Variants in PAK5 observed in about 807,000 individuals in gnomAD.
PAK5 encodes serine/threonine-protein kinase PAK 5.
In PAK5, 16 loss-of-function variants were observed where a neutral mutation model predicts 65.9. The observed-to-expected ratio is 0.24, with a 90% confidence interval of 0.16 to 0.37. PAK5 has a LOEUF of 0.37. Ranked by LOEUF, PAK5 falls within the 10% of genes least tolerant of loss-of-function variation. The pLI, the probability that PAK5 is intolerant of heterozygous loss-of-function variation, is 1.00. For missense variants in PAK5, 785 were observed against 903.9 expected (o/e 0.87, Z 1.69); for synonymous variants, 371 against 354.9 (o/e 1.05, Z -0.51).
At chr20:9,605,981 C>T (rs2046447280) in intron 3 of PAK5, among the ~76,000 whole-genome samples, 1 of 152,116 alleles carries the variant, frequency 6.6e-6, no homozygotes, top group African/African-American at 2.4e-5. Context: ...AGTGTAAGCA[C>T]CAGTGTTACT....
In PAK5 at chr20:9,538,028, T is replaced by A. The variant is rs892021480; in HGVS notation, c.*1434A>T. 6.0e-5 allele frequency: 14 copies of A among 232,690 alleles called. No homozygotes were observed. The highest frequency in any genetic ancestry group is 1.2e-3 in the Middle Eastern group (1 of 802). The allele number at this position is 232,690 out of a possible 1,614,324, so 14.4% of individuals were successfully genotyped here. On this transcript the variant is annotated 3_prime_UTR_variant, in exon 10 of 10. Coordinates refer to ENST00000353224, the MANE Select transcript of PAK5 (RefSeq NM_177990.4). ...AAAAGCCTCTGTTTTCCCAGTTTGG[T>A]AACAAATGGCTTTTGTCTGATGCAT...
chr20:9,730,171 TA>T (rs2048321706), intron 1 of PAK5, among the ~76,000 whole-genome samples: 2 of 151,886 alleles, frequency 1.3e-5, no homozygotes, highest in Non-Finnish European at 2.9e-5. Flanking sequence ...TATTTAAGAT[TA>T]TTTTTATTAA....
chr20:9,802,072 G>C (rs1244139818), intron 1 of PAK5, among the ~76,000 whole-genome samples: 7 of 152,170 alleles, frequency 4.6e-5, no homozygotes, highest in Non-Finnish European at 1.0e-4. Flanking sequence ...GTCTGGGGAA[G>C]TAAAAGAGCA....
At chr20:9,693,974 G>A (rs1385939513) in intron 2 of PAK5, among the ~76,000 whole-genome samples, 1 of 151,436 alleles carries the variant, frequency 6.6e-6, no homozygotes, top group Non-Finnish European at 1.5e-5. Context: ...TATAGAACCT[G>A]CCTATCATCA....
rs1251543730 is a variant in PAK5, at chr20:9,838,592, C to T, written c.-162+170G>A. Among the ~76,000 whole-genome samples, 3 of 152,300 alleles carry T rather than the reference C, an allele frequency of 2.0e-5. No individual in the cohort carries two copies. The South Asian group carries it at 6.2e-4, about 32-fold the overall frequency. On this transcript the variant is annotated intron_variant, in intron 1 of 9. Transcript: ENST00000353224. This position sits in a 1 kb window ranked among gnomAD's most constrained non-coding sequence, Gnocchi z 4.5. The stretch of plus-strand genomic sequence containing the variant: ...TCCCTACCCTCCAGGCAGCAGGTCC[C>T]TAGCCTTTGCATCTCCTAGGAGATG...
In PAK5 at chr20:9,542,588, T is replaced by G; in HGVS notation, c.2002A>C (p.Lys668Gln). ...TAGCAACAGCTGCTGTTTCTCACCT[T>G]GTGTAGGTCCTTCACTCTTGGAGGT... Reference protein sequence around the residue: ...SLPPRVKDLHKVSSVLRGFLD... With the variant: ...SLPPRVKDLHQVSSVLRGFLD... The change falls in exon 9 of 10, where the codon AAG becomes CAG. Residue 668 changes from lysine to glutamine, a missense_variant and splice_region_variant. Around this residue, in one of 4 missense-constraint regions of PAK5, gnomAD observed 110 missense variants for 107.4 expected, o/e 1.02. Coordinates refer to ENST00000353224, the MANE Select transcript of PAK5 (RefSeq NM_177990.4). 6.2e-7 allele frequency: 1 copy of G among 1,614,164 alleles called. No homozygotes were observed. Among genetic ancestry groups the G allele is most frequent in the South Asian group, 1.1e-5 (1 of 91,080 alleles).
intron 1 of PAK5, among the ~76,000 whole-genome samples, chr20:9,715,551 T>C (rs562581558): frequency 0.023 from 3,542 of 152,188 alleles, 142 homozygotes; most frequent in African/African-American, 0.081. Context: ...ACTGGGTATA[T>C]ACCCAAAGGA....
chr20:9,578,206 T>G (rs1603226925), intron 4 of PAK5, among the ~76,000 whole-genome samples: 1 of 152,182 alleles, frequency 6.6e-6, no homozygotes, highest in African/African-American at 2.4e-5. Context: ...GTCATGTGGC[T>G]CTCTGGGCCT....
At chr20:9,775,993 TATC>T (rs1295316971) in intron 1 of PAK5, among the ~76,000 whole-genome samples, 1 of 152,230 alleles carries the variant, frequency 6.6e-6, no homozygotes, top group Admixed American at 6.5e-5. Context: ...AAAATTTTGG[TATC>T]ATGTAGTAAA....
chr20:9,760,386 A>C (rs1295339812), intron 1 of PAK5, among the ~76,000 whole-genome samples: 1 of 152,128 alleles, frequency 6.6e-6, no homozygotes, highest in African/African-American at 2.4e-5. Context: ...ACAGCCAAAA[A>C]ATGGCTCTTG....
chr20:9,630,217 TA>T (rs1765259416), intron 3 of PAK5, among the ~76,000 whole-genome samples: 1 of 152,170 alleles, frequency 6.6e-6, no homozygotes, highest in African/African-American at 2.4e-5. Context: ...GCACAGATGC[TA>T]AAATGAAGAG....
chr20:9,714,496 G>A (rs952391036), intron 1 of PAK5, among the ~76,000 whole-genome samples: 1 of 152,092 alleles, frequency 6.6e-6, no homozygotes, highest in Non-Finnish European at 1.5e-5. Flanking sequence ...TTTGAAAAAT[G>A]TTTAAGACCC....
intron 1 of PAK5, among the ~76,000 whole-genome samples, chr20:9,788,806 C>T (rs1482981103): frequency 6.6e-6 from 1 of 152,108 alleles, no homozygotes; most frequent in Non-Finnish European, 1.5e-5. Context: ...AGTTTTACCC[C>T]CACCTCCAAG....
intron 3 of PAK5, among the ~76,000 whole-genome samples, chr20:9,617,329 G>T (rs893082526): frequency 2.0e-5 from 3 of 152,044 alleles, no homozygotes; most frequent in African/African-American, 7.3e-5. Context: ...TTAGCCCAGT[G>T]GTTCTCAAAG....
chr20:9,656,446 G>C (rs970907704), intron 2 of PAK5, among the ~76,000 whole-genome samples: 34 of 152,130 alleles, frequency 2.2e-4, no homozygotes, highest in Non-Finnish European at 1.2e-4. Flanking sequence ...GAGTGGAAGA[G>C]AGAGGACCCA....
intron 1 of PAK5, among the ~76,000 whole-genome samples, chr20:9,714,704 C>A (rs1445106665): frequency 6.6e-6 from 1 of 152,040 alleles, no homozygotes. Flanking sequence ...CAGATATAGA[C>A]CAATGGAACA....
intron 1 of PAK5, among the ~76,000 whole-genome samples, chr20:9,776,460 A>G (rs1331454895): frequency 6.6e-6 from 1 of 152,208 alleles, no homozygotes; most frequent in African/African-American, 2.4e-5. Context: ...CACAAATTAT[A>G]TGATGCTCCT....
Position 9,817,443 on chromosome 20 carries a change from G to A in PAK5, c.-162+21319C>T, listed in dbSNP as rs181600601. ...ACACACAATAGTGATCTCTTAATAT[G>A]TGCCAGGCCCTGGAGATAGCAGGCC... On this transcript the variant is annotated intron_variant, in intron 1 of 9. Coordinates refer to ENST00000353224, the MANE Select transcript of PAK5 (RefSeq NM_177990.4). 2.1e-3 allele frequency among the ~76,000 whole-genome samples: 320 copies of A among 152,204 alleles called. 1 individual carries two copies. The highest frequency in any genetic ancestry group is 7.3e-3 in the African/African-American group (305 of 41,530).
intron 3 of PAK5, among the ~76,000 whole-genome samples, chr20:9,593,777 T>G (rs960555267): frequency 6.6e-6 from 1 of 152,206 alleles, no homozygotes; most frequent in African/African-American, 2.4e-5. Context: ...TGTCTTTTCT[T>G]TTTGCAAAAT....
Sources: gnomAD v4.1 joint callset for allele counts (sites outside exome capture counted in the v4.1 genomes callset) on GRCh38, gnomAD v4.1.1 for gene constraint, gnomAD v4.1.1 regional missense constraint, Gnocchi (gnomAD v3.1) non-coding constraint, MANE v1.5 for transcripts, NCBI Gene and HGNC (gene_info 2026-07-23, HGNC 2026-07-21) for gene names.